The following GRID2 variants were observed in gnomAD, a reference collection of about 807,000 sequenced individuals.
GRID2 encodes glutamate ionotropic receptor delta type subunit 2, also known as glutamate receptor ionotropic, delta-2.
In GRID2, 33 loss-of-function variants were observed where a neutral mutation model predicts 114.8. The ratio of observed to expected loss-of-function variants is 0.29; its 90% CI spans 0.22 to 0.38. The LOEUF (loss-of-function observed/expected upper bound fraction) is 0.38, where lower values mean the gene tolerates loss of function less well. GRID2 is among the 10% of genes least tolerant of loss of function. The pLI is 1.00. For missense variants in GRID2, 1,184 were observed against 1,257.7 expected (o/e 0.94, Z 0.89); for synonymous variants, 505 against 449.9 (o/e 1.12, Z -1.55).
chr4:93,397,632 A>T (rs1488023780), intron 9 of GRID2, among the ~76,000 whole-genome samples: 1 of 151,964 alleles, frequency 6.6e-6, no homozygotes, highest in Non-Finnish European at 1.5e-5. Context: ...AGGTTGATGC[A>T]CATAGAGAAA....
chr4:93,668,462 T>C (rs1724130875), intron 14 of GRID2, among the ~76,000 whole-genome samples: 1 of 152,030 alleles, frequency 6.6e-6, no homozygotes, highest in Admixed American at 6.6e-5. Flanking sequence ...TAATATGCTA[T>C]TTCAAATGCA....
chr4:93,407,811 TTCC>T (rs2149347852), intron 9 of GRID2, among the ~76,000 whole-genome samples: 1 of 63,960 alleles, frequency 1.6e-5, no homozygotes, highest in Non-Finnish European at 2.9e-5. Flanking sequence ...CCTCCTCCTC[TTCC>T]TCCTCCTCCT....
intron 2 of GRID2, among the ~76,000 whole-genome samples, chr4:92,634,676 T>C (rs1730975068): frequency 6.6e-6 from 1 of 151,592 alleles, no homozygotes; most frequent in South Asian, 2.1e-4. Flanking sequence ...GCACATATGT[T>C]AATGCATTTT....
At chr4:93,687,862 T>C (rs540588482) in intron 14 of GRID2, among the ~76,000 whole-genome samples, 8 of 152,072 alleles carry the variant, frequency 5.3e-5, no homozygotes, top group African/African-American at 1.9e-4. Flanking sequence ...ATTATAAAAG[T>C]ATATTATGTA....
chr4:93,728,721 A>T (rs1203651509), intron 14 of GRID2, among the ~76,000 whole-genome samples: 2 of 152,038 alleles, frequency 1.3e-5, no homozygotes, highest in East Asian at 3.9e-4. Context: ...TGTTGAATTG[A>T]TCCCTTTACC....
intron 3 of GRID2, among the ~76,000 whole-genome samples, chr4:93,100,953 A>G (rs1731639167): frequency 6.6e-6 from 1 of 152,054 alleles, no homozygotes. Flanking sequence ...GAAAATGAGT[A>G]GTATTGCAGG....
At chr4:92,671,633 T>C (rs1207812540) in intron 2 of GRID2, among the ~76,000 whole-genome samples, 2 of 152,106 alleles carry the variant, frequency 1.3e-5, no homozygotes, top group Non-Finnish European at 2.9e-5. Flanking sequence ...TAGATTTTTG[T>C]CAGCTGTGGA....
intron 8 of GRID2, among the ~76,000 whole-genome samples, chr4:93,246,069 G>A (rs1259506324): frequency 6.6e-6 from 1 of 152,096 alleles, no homozygotes; most frequent in South Asian, 2.1e-4. Flanking sequence ...GTCCTTTATG[G>A]CTCCAAAATT....
chr4:93,703,536 G>A (rs1727707122), intron 14 of GRID2, among the ~76,000 whole-genome samples: 2 of 151,610 alleles, frequency 1.3e-5, no homozygotes, highest in Admixed American at 1.3e-4. Context: ...GAGTGCATGT[G>A]CACAACGTGC....
chr4:93,770,721 A>G (rs1246333621), intron 15 of GRID2, among the ~76,000 whole-genome samples: 2 of 152,224 alleles, frequency 1.3e-5, no homozygotes, highest in African/African-American at 2.4e-5. Flanking sequence ...TTAATGCAAC[A>G]TTATAGCTGA....
chr4:93,450,615 C>G (rs17020614), intron 10 of GRID2, among the ~76,000 whole-genome samples: 1 of 151,484 alleles, frequency 6.6e-6, no homozygotes, highest in Non-Finnish European at 1.5e-5. Flanking sequence ...GCTTATTAGT[C>G]ATGCTCCATT....
At chr4:93,395,761 A>G (rs1765271133) in intron 9 of GRID2, 53 bp downstream of exon 9, 4 of 774,236 alleles carry the variant, frequency 5.2e-6, no homozygotes, top group Non-Finnish European at 9.2e-6. Flanking sequence ...ACTTTATCCT[A>G]TATTTCTTTC....
intron 11 of GRID2, among the ~76,000 whole-genome samples, chr4:93,487,666 C>A (rs1726548738): frequency 6.6e-6 from 1 of 151,836 alleles, no homozygotes; most frequent in African/African-American, 2.4e-5. Flanking sequence ...TTGTTAGTTT[C>A]TTAGCTTTCT....
chr4:92,543,198 A>G (rs1248397753), intron 1 of GRID2, among the ~76,000 whole-genome samples: 4 of 152,058 alleles, frequency 2.6e-5, no homozygotes, highest in Non-Finnish European at 2.9e-5. Context: ...CAAACACACT[A>G]CTATGTTATT....
chr4:93,718,705 G>A (rs1342628122), intron 14 of GRID2, among the ~76,000 whole-genome samples: 2 of 151,876 alleles, frequency 1.3e-5, no homozygotes, highest in East Asian at 3.9e-4. Flanking sequence ...CAGAATCATG[G>A]ACTGAATTCT....
rs201674788 is a variant in GRID2 at position 93,652,981 on chromosome 4, A to ATG, written c.2360+26547_2360+26548dup. ...CCAGAGTTCAGACTCAATCCTGAGC[A>ATG]TGAAGGGATGCCACCAGAGGTTTTT... On this transcript the variant is annotated intron_variant, in intron 14 of 15. Coordinates refer to ENST00000282020, the MANE Select transcript of GRID2 (RefSeq NM_001510.4). Among the ~76,000 whole-genome samples, 33 of 152,210 alleles carry ATG rather than the reference A, an allele frequency of 2.2e-4. 1 individual carries two copies. In the East Asian group the frequency reaches 6.0e-3, roughly 28 times the overall value.
rs6856957 is a variant in GRID2, at chr4:93,624,933, G to A, written c.2194-1336G>A. Among the ~76,000 whole-genome samples, 451 of 152,246 alleles carry A rather than the reference G, an allele frequency of 3.0e-3. 2 individuals are homozygous for A. Among genetic ancestry groups the A allele is most frequent in the African/African-American group, 1.0e-2 (414 of 41,534 alleles). ...AGTAAAGTTGTGTTCCTTAAGTGAT[G>A]ATAGAGGAGGTTGTGGAATCGTTTT... On this transcript the variant is annotated intron_variant, in intron 13 of 15. Coordinates refer to ENST00000282020, the MANE Select transcript of GRID2 (RefSeq NM_001510.4).
At chr4:92,796,160 A>T (rs891405334) in intron 2 of GRID2, among the ~76,000 whole-genome samples, 1 of 151,896 alleles carries the variant, frequency 6.6e-6, no homozygotes, top group Non-Finnish European at 1.5e-5. Context: ...TTTTCCGTAG[A>T]ATACTGCATG....
At chr4:92,923,822 A>G (rs556632021) in intron 2 of GRID2, among the ~76,000 whole-genome samples, 2 of 152,328 alleles carry the variant, frequency 1.3e-5, no homozygotes, top group South Asian at 2.1e-4. Context: ...TAGTTCAACC[A>G]TTGTGGAAGT....
Sources: allele counts gnomAD v4.1 joint callset (sites outside exome capture counted in the v4.1 genomes callset), GRCh38; gene constraint gnomAD v4.1.1; transcripts MANE v1.5; gene names NCBI Gene and HGNC (gene_info 2026-07-23, HGNC 2026-07-21).